SCRIB: variants seen among roughly 807,000 people sequenced by gnomAD.
SCRIB encodes the protein protein scribble homolog.
A neutral mutation model predicts 170.0 loss-of-function variants in SCRIB; 72 were observed. The ratio of observed to expected loss-of-function variants is 0.42; its 90% CI spans 0.35 to 0.52. SCRIB has a LOEUF of 0.52. SCRIB is among the 20% of genes least tolerant of loss of function. SCRIB has a pLI of 0.02. For missense variants in SCRIB, 2,475 were observed against 2,338.5 expected (o/e 1.06, Z -1.20); for synonymous variants, 1,298 against 1,044.3 (o/e 1.24, Z -4.68).
chr8:143,795,447 C>T lies in SCRIB; in HGVS notation c.3687G>A (p.Arg1229=). Residue 1229 remains arginine (R), a synonymous_variant, in exon 25 of 37, where the codon CGG becomes CGA. Coordinates refer to ENST00000356994, the MANE Select transcript of SCRIB (RefSeq NM_182706.5). ...TGCCTGGGCCCTCAGGGCTCAGCTC[C>T]CGGTCGATGGAAGAGATGCTCTCCA... The part of the protein sequence containing the change: ...NSLESISSID[R]ELSPEGPGKE... The T allele has an allele frequency of 6.2e-7, 1 of 1,613,248 alleles. No homozygotes were observed. The highest frequency in any genetic ancestry group is 8.5e-7 in the Non-Finnish European group (1 of 1,179,828).
chr8:143,813,297 A>G lies in SCRIB; in HGVS notation c.567+14T>C. 1 of 1,613,262 alleles carries G rather than the reference A, an allele frequency of 6.2e-7. No individual in the cohort carries two copies. The highest frequency in any genetic ancestry group is 1.1e-5 in the South Asian group (1 of 91,076). Reference sequence around the variant, plus strand: ...CCCGCCCTCCGGTCTCTGCCCTGTCAGGCCTCCACGCACCAGCACTTCCAG... The same window carrying G: ...CCCGCCCTCCGGTCTCTGCCCTGTCGGGCCTCCACGCACCAGCACTTCCAG... On this transcript the variant is annotated intron_variant, in intron 6 of 36. Coordinates refer to ENST00000356994, the MANE Select transcript of SCRIB (RefSeq NM_182706.5).
intron 24 of SCRIB, among the ~76,000 whole-genome samples, chr8:143,795,733 G>A (rs1435390435): frequency 1.3e-5 from 2 of 152,318 alleles, no homozygotes; most frequent in South Asian, 2.1e-4. Context: ...TCCCCGGCCG[G>A]TCCCCATCAC....
chr8:143,798,917 G>C (rs1815057743), intron 24 of SCRIB, among the ~76,000 whole-genome samples: 1 of 152,080 alleles, frequency 6.6e-6, no homozygotes, highest in Admixed American at 6.5e-5. Context: ...AGAATGCCCT[G>C]TCAAAGCAGC....
chr8:143,812,001 A>G (rs894197774), intron 9 of SCRIB, among the ~76,000 whole-genome samples: 6 of 152,062 alleles, frequency 3.9e-5, no homozygotes, highest in African/African-American at 1.5e-4. Context: ...CTCTTCTGTA[A>G]CCGCTCCCCA....
At chr8:143,806,191 G>A (rs782666993) in intron 18 of SCRIB, among the ~76,000 whole-genome samples, 7 of 152,202 alleles carry the variant, frequency 4.6e-5, no homozygotes, top group Non-Finnish European at 8.8e-5. Flanking sequence ...GGCGCTGGAT[G>A]GGAGCCAGGG....
chr8:143,792,787 G>T lies in SCRIB; in HGVS notation c.4098C>A (p.Arg1366=). The T allele has an allele frequency of 6.3e-7, 1 of 1,578,914 alleles. No individual in the cohort carries two copies. Among genetic ancestry groups the T allele is most frequent in the Non-Finnish European group, 8.6e-7 (1 of 1,165,010 alleles). Reference sequence around the variant, plus strand: ...TAGGGGGGCCCTCGGCCTGGGGCACGCGCACCTCCAGCTCAAAGTACTTCT... The same window carrying T: ...TAGGGGGGCCCTCGGCCTGGGGCACTCGCACCTCCAGCTCAAAGTACTTCT... The part of the protein sequence containing the change: ...ERQKYFELEV[R]VPQAEGPPKR... The change falls in exon 30 of 37, where the codon CGC becomes CGA. Residue 1366 remains arginine, a synonymous_variant. Coordinates refer to ENST00000356994, the MANE Select transcript of SCRIB (RefSeq NM_182706.5).
In SCRIB at chr8:143,792,027, A is replaced by G; in HGVS notation, c.4621T>C (p.Ser1541Pro). The change falls in exon 33 of 37, where the codon TCC becomes CCC. Residue 1541 changes from serine (S) to proline (P), a missense_variant. Coordinates refer to ENST00000356994, the MANE Select transcript of SCRIB (RefSeq NM_182706.5). ...GPLERLAEAP[S>P]PAPTPSPTPV... ...GTGGGCGACGGGGTGGGCGCAGGGG[A>G]AGGGGCCTCGGCCAGTCGCTCCAGG... The G allele has an allele frequency of 6.4e-7, 1 of 1,564,032 alleles. No individual in the cohort carries two copies. Among genetic ancestry groups the G allele is most frequent in the Middle Eastern group, 1.8e-4 (1 of 5,650 alleles).
At chr8:143,791,368 C>T in intron 36 of SCRIB, 21 bp downstream of exon 36, 1 of 1,605,406 alleles carries the variant, frequency 6.2e-7, no homozygotes, top group Non-Finnish European at 8.5e-7. Context: ...GGGAGCTCAC[C>T]CCAGCCCGGC....
At position 143,806,458 on chromosome 8, in the gene SCRIB, C is replaced by T; in HGVS notation, c.2295G>A (p.Glu765=). The T allele has an allele frequency of 1.2e-6, 2 of 1,603,948 alleles. No homozygotes were observed. Among genetic ancestry groups the T allele is most frequent in the South Asian group, 1.1e-5 (1 of 89,292 alleles). Residue 765 remains glutamate (E), a synonymous_variant, in exon 18 of 37, where the codon GAG becomes GAA. Coordinates refer to ENST00000356994, the MANE Select transcript of SCRIB (RefSeq NM_182706.5). The part of the protein sequence containing the change: ...DEGIFISRVS[E]EGPAARAGVR... The stretch of plus-strand genomic sequence containing the variant: ...CTCCAGCCCGGGCCGCAGGGCCTTC[C>T]TCGGACACCCGAGAGATGAATATGC...
Position 143,815,290 on chromosome 8 carries a change from G to A in SCRIB, c.83C>T (p.Pro28Leu). 1.3e-6 allele frequency: 2 copies of A among 1,596,184 alleles called. No individual in the cohort carries two copies. The highest frequency in any genetic ancestry group is 1.7e-6 in the Non-Finnish European group (2 of 1,174,200). The change falls in exon 1 of 37, where the codon CCG becomes CTG. Residue 28 changes from proline to leucine, a missense_variant. Physicochemically the swap from Pro to Leu is moderately conservative, Grantham distance 98 (BLOSUM62 -3). Transcript: ENST00000356994. ...GCGGCTGTAGCGGTAGATCTCCTCC[G>A]GCACGGCCTGCAGCGAACAGTGCCG... Reference protein sequence around the residue: ...DKRHCSLQAVPEEIYRYSRSL... With the variant: ...DKRHCSLQAVLEEIYRYSRSL...
Position 143,792,495 on chromosome 8 carries a change from G to A in SCRIB, c.4318C>T (p.Pro1440Ser), listed in dbSNP as rs1020307762. 2.6e-6 allele frequency: 4 copies of A among 1,544,952 alleles called. No homozygotes were observed. The highest frequency in any genetic ancestry group is 1.9e-5 in the Admixed American group (1 of 52,764). The change falls in exon 31 of 37, where the codon CCC becomes TCC. Residue 1440 changes from proline to serine, a missense_variant. Pro to Ser is a moderately conservative substitution (Grantham distance 74). Around this residue, in one of 3 missense-constraint regions of SCRIB, gnomAD observed 1,966 missense variants for 1,742.9 expected, o/e 1.13. Transcript: ENST00000356994. ...DEQPPWASPS[P>S]TSRQSPASPP... ...TGGGCGGGTGCTCACCTTGAGGTGG[G>A]GCTCGGGCTGGCCCAGGGTGGCTGC... is the stretch of plus-strand genomic sequence containing the variant.
chr8:143,805,572 CACCCGAG>C, intron 18 of SCRIB, 137 bp from the exon 19 acceptor site: 1 of 865,380 alleles, frequency 1.2e-6, no homozygotes, highest in Non-Finnish European at 1.7e-6. Context: ...GCGCTGACAT[CACCCGAG>C]ACCTTTAGCC....
Position 143,804,917 on chromosome 8 carries a change from GC to G in SCRIB, c.2751+16del. ...AGGGGGGATGGGTGGGTGGGGCGGG[GC>G]CCCATCCCCACTCACAGAGAGGACG... On this transcript the variant is annotated intron_variant, in intron 20 of 36. Transcript: ENST00000356994. 6.5e-7 allele frequency: 1 copy of G among 1,536,674 alleles called. No individual in the cohort carries two copies. The highest frequency in any genetic ancestry group is 8.7e-7 in the Non-Finnish European group (1 of 1,147,248).
chr8:143,799,482 G>A (rs1815082086), intron 24 of SCRIB, among the ~76,000 whole-genome samples: 2 of 152,244 alleles, frequency 1.3e-5, no homozygotes, highest in Non-Finnish European at 2.9e-5. Context: ...GGCCGCAGAG[G>A]AGGGGCCCAG....
chr8:143,808,496 T>C, intron 15 of SCRIB, 113 bp downstream of exon 15: 2 of 1,319,436 alleles, frequency 1.5e-6, no homozygotes, highest in Non-Finnish European at 2.0e-6. Flanking sequence ...CACCACCTTC[T>C]CCGGGTGGCC....
In SCRIB at chr8:143,815,252, G is replaced by C. The variant is rs1265894472; in HGVS notation, c.121C>G (p.Leu41Val). The C allele has an allele frequency of 6.3e-7, 1 of 1,595,180 alleles. No homozygotes were observed. Residue 41 changes from leucine to valine, a missense_variant, in exon 1 of 37, where the codon CTG becomes GTG. Coordinates refer to ENST00000356994, the MANE Select transcript of SCRIB (RefSeq NM_182706.5). ...CGCAGCTGGTTGGCGTCGAGCAGCA[G>C]CTCCTCCAGGCTGCGGCTGTAGCGG... ...IYRYSRSLEELLLDANQLREL... is the reference protein window; with the variant it reads ...IYRYSRSLEEVLLDANQLREL...
At position 143,805,276 on chromosome 8, in the gene SCRIB, G is replaced by A. The variant is rs1188172704; in HGVS notation, c.2506C>T (p.Pro836Ser). The A allele has an allele frequency of 2.6e-6, 4 of 1,555,328 alleles. No homozygotes were observed. The highest frequency in any genetic ancestry group is 2.4e-5 in the East Asian group (1 of 41,678). ...AGCCCCCCTCCCCGCCGCTCTCGGG[G>A]GCTGTAATCATCCTCGGGCCGCAGC... is the stretch of plus-strand genomic sequence containing the variant. ...TPLRPEDDYS[P>S]RERRGGGLRL... Residue 836 changes from proline (P) to serine (S), a missense_variant, in exon 19 of 37, where the codon CCC becomes TCC. This residue lies in a region of SCRIB where 1,966 missense variants were observed against 1,742.9 expected (regional missense o/e 1.13). Transcript: ENST00000356994.
Position 143,791,005 on chromosome 8 carries a change from C to G in SCRIB, c.*158G>C, listed in dbSNP as rs1388188639. ...CAAACATCACTAGTTACAGTCTCGCCGAGGTCTCGGCTGGGGTGGGGCAGT... is the reference window on the plus strand; with the variant it reads ...CAAACATCACTAGTTACAGTCTCGCGGAGGTCTCGGCTGGGGTGGGGCAGT... On this transcript the variant is annotated 3_prime_UTR_variant, in exon 37 of 37. Transcript: ENST00000356994. The G allele has an allele frequency of 2.9e-5, 19 of 663,972 alleles. No individual in the cohort carries two copies. The highest frequency in any genetic ancestry group is 3.9e-5 in the Non-Finnish European group (18 of 455,704). 41.1% of individuals were successfully genotyped at this position (663,972 alleles called of 1,614,324 possible).
At chr8:143,794,151 C>G in intron 27 of SCRIB, 189 bp from the exon 28 acceptor site, 1 of 587,424 alleles carries the variant, frequency 1.7e-6, no homozygotes. Flanking sequence ...CCACAGGATG[C>G]GGGGGCCTGG....
Sources: gnomAD v4.1 joint callset for allele counts (sites outside exome capture counted in the v4.1 genomes callset) on GRCh38, gnomAD v4.1.1 for gene constraint, gnomAD v4.1.1 regional missense constraint, MANE v1.5 for transcripts, NCBI Gene and HGNC (gene_info 2026-07-23, HGNC 2026-07-21) for gene names.